KLHL18: variants seen among roughly 807,000 people sequenced by gnomAD.
The protein encoded by KLHL18 is kelch-like protein 18.
A neutral mutation model predicts 58.5 loss-of-function variants in KLHL18; 38 were observed. The ratio of observed to expected loss-of-function variants is 0.65; its 90% CI spans 0.50 to 0.85. The LOEUF is 0.85. Ranked by LOEUF, KLHL18 falls within the 40% of genes least tolerant of loss-of-function variation. The pLI is 0.00. For synonymous variants in KLHL18, 303 were observed against 301.9 expected (o/e 1.00, Z -0.04); for missense variants, 624 against 778.4 (o/e 0.80, Z 2.36).
chr3:47,285,829 A>C (rs1702662819), intron 1 of KLHL18, among the ~76,000 whole-genome samples: 1 of 151,906 alleles, frequency 6.6e-6, no homozygotes, highest in African/African-American at 2.4e-5. Flanking sequence ...GGTGGATTGC[A>C]TTGAACTCAG....
intron 8 of KLHL18, 143 bp downstream of exon 8, chr3:47,340,819 A>G (rs1704094456): frequency 1.3e-6 from 1 of 761,694 alleles, no homozygotes; most frequent in Non-Finnish European, 2.1e-6. Flanking sequence ...TATATACTAG[A>G]TATTTAATAA....
In KLHL18 at chr3:47,344,604, ACTTG is replaced by A. The variant is rs1413596997; in HGVS notation, c.*664_*667del. The A allele has an allele frequency of 6.6e-6, 1 of 152,664 alleles. No individual in the cohort carries two copies. Among genetic ancestry groups the A allele is most frequent in the East Asian group, 1.9e-4 (1 of 5,196 alleles). 9.5% of individuals were successfully genotyped at this position (152,664 alleles called of 1,614,324 possible). ...AGGAGAACAGAAGGGAAAAAAAGAT[ACTTG>A]AAAGAAACTGAAGGAAATTTAAACA... On this transcript the variant is annotated 3_prime_UTR_variant, in exon 10 of 10. Transcript: ENST00000232766.
At chr3:47,329,157 C>A (rs56126169) in intron 3 of KLHL18, among the ~76,000 whole-genome samples, 144,732 of 151,222 alleles carry the variant, frequency 0.96, 69,603 homozygotes, top group East Asian at 1. Flanking sequence ...AAAAAAAAGA[C>A]AAGTATAAGA....
chr3:47,303,580 T>C (rs981755659), intron 1 of KLHL18, among the ~76,000 whole-genome samples: 4 of 152,194 alleles, frequency 2.6e-5, no homozygotes, highest in African/African-American at 9.7e-5. Context: ...ATCCTTTCCG[T>C]TCAAGGCTCA....
At chr3:47,311,259 G>A (rs1201045291) in intron 1 of KLHL18, among the ~76,000 whole-genome samples, 1 of 152,024 alleles carries the variant, frequency 6.6e-6, no homozygotes, top group African/African-American at 2.4e-5. Flanking sequence ...TACTTTTAAA[G>A]TAACATGTAG....
At chr3:47,297,020 T>C (rs1480303184) in intron 1 of KLHL18, among the ~76,000 whole-genome samples, 4 of 152,058 alleles carry the variant, frequency 2.6e-5, no homozygotes, top group African/African-American at 9.7e-5. Flanking sequence ...GGGGGGAGGG[T>C]TTAGAAGAAG....
At position 47,334,622 on chromosome 3, in the gene KLHL18, T is replaced by C; in HGVS notation, c.762-61T>C. The C allele has an allele frequency of 1.3e-6, 2 of 1,588,548 alleles. No individual in the cohort carries two copies. The highest frequency in any genetic ancestry group is 8.6e-7 in the Non-Finnish European group (1 of 1,160,550). ...GGCAGTGGAGAGCCAGGCTCAGAGA[T>C]GCAAACGAGGACTAAGTCAGGGGGA... On this transcript the variant is annotated intron_variant, in intron 5 of 9. Coordinates refer to ENST00000232766, the MANE Select transcript of KLHL18 (RefSeq NM_025010.5). This position sits in a 1 kb window ranked among gnomAD's most constrained non-coding sequence, Gnocchi z 4.7.
Position 47,344,156 on chromosome 3 carries a change from G to A in KLHL18, c.*215G>A. On this transcript the variant is annotated 3_prime_UTR_variant, in exon 10 of 10. Coordinates refer to ENST00000232766, the MANE Select transcript of KLHL18 (RefSeq NM_025010.5). Reference sequence around the variant, plus strand: ...TCAAGATGCACAGCATGGAACACAAGCTCCTCTGGATCCTGCAGCTGGTGA... The same window carrying A: ...TCAAGATGCACAGCATGGAACACAAACTCCTCTGGATCCTGCAGCTGGTGA... 2 of 593,432 alleles carry A rather than the reference G, an allele frequency of 3.4e-6. No homozygotes were observed. Among genetic ancestry groups the A allele is most frequent in the South Asian group, 2.2e-5 (1 of 44,548 alleles). The allele number at this position is 593,432 out of a possible 1,614,324, so 36.8% of individuals were successfully genotyped here. A position where few individuals can be genotyped will look rare whatever the true frequency, so the allele number is the denominator to read the frequency against.
At chr3:47,327,833 G>A (rs1452378564) in intron 3 of KLHL18, among the ~76,000 whole-genome samples, 3 of 152,212 alleles carry the variant, frequency 2.0e-5, no homozygotes, top group African/African-American at 7.2e-5. Context: ...ACTGCTAGGG[G>A]ACAATAGTGA....
intron 3 of KLHL18, among the ~76,000 whole-genome samples, chr3:47,329,161 T>C (rs1703793763): frequency 7.7e-6 from 1 of 130,146 alleles, no homozygotes; most frequent in Non-Finnish European, 1.7e-5. Flanking sequence ...AAAAGACAAG[T>C]ATAAGAGTTC....
At chr3:47,290,325 A>T (rs1036652414) in intron 1 of KLHL18, among the ~76,000 whole-genome samples, 1 of 152,250 alleles carries the variant, frequency 6.6e-6, no homozygotes, top group Non-Finnish European at 1.5e-5. Flanking sequence ...TTTTAGACAT[A>T]TGAATTCTTG....
intron 1 of KLHL18, among the ~76,000 whole-genome samples, chr3:47,308,719 C>CTCCT (rs1174976312): frequency 6.6e-6 from 1 of 152,084 alleles, no homozygotes; most frequent in Non-Finnish European, 1.5e-5. Context: ...CCTTATCTCC[C>CTCCT]TCCTTCCTTC....
intron 1 of KLHL18, among the ~76,000 whole-genome samples, chr3:47,305,331 CAA>C (rs1023472663): frequency 6.0e-5 from 6 of 99,398 alleles, no homozygotes; most frequent in East Asian, 3.6e-4. Context: ...TGAATTTTGT[CAA>C]GTTTTTTTTT....
chr3:47,316,851 A>G (rs775020155), intron 1 of KLHL18, among the ~76,000 whole-genome samples: 3 of 150,988 alleles, frequency 2.0e-5, no homozygotes, highest in Admixed American at 6.6e-5. Flanking sequence ...TAGCATGCCT[A>G]TAGTCTCAAC....
At chr3:47,296,528 A>G (rs1702900143) in intron 1 of KLHL18, among the ~76,000 whole-genome samples, 1 of 152,214 alleles carries the variant, frequency 6.6e-6, no homozygotes, top group South Asian at 2.1e-4. Context: ...ATTAATAATT[A>G]TGAGAAAAGG....
At chr3:47,295,993 A>C (rs182429199) in intron 1 of KLHL18, among the ~76,000 whole-genome samples, 20 of 152,112 alleles carry the variant, frequency 1.3e-4, no homozygotes, top group Admixed American at 2.0e-4. Context: ...CTCCAGGTGT[A>C]GTTCATCTCC....
At chr3:47,283,807 T>G (rs1333737639) in intron 1 of KLHL18, among the ~76,000 whole-genome samples, 1 of 152,186 alleles carries the variant, frequency 6.6e-6, no homozygotes, top group Non-Finnish European at 1.5e-5. Flanking sequence ...GGTCTTTTCA[T>G]GAGGAAGAGG....
chr3:47,343,755 C>T lies in KLHL18; in HGVS notation c.1539C>T (p.Arg513=). 6.2e-7 allele frequency: 1 copy of T among 1,614,214 alleles called. No homozygotes were observed. The highest frequency in any genetic ancestry group is 8.5e-7 in the Non-Finnish European group (1 of 1,180,048). Residue 513 remains arginine, a synonymous_variant, in exon 10 of 10, where the codon CGC becomes CGT. Transcript: ENST00000232766. ...QWCLIVPMHT[R]RSRVSLVASC... ...GCCTGATTGTCCCCATGCACACGCGCAGGAGCCGGGTCTCCCTGGTGGCCA... is the reference window on the plus strand; with the variant it reads ...GCCTGATTGTCCCCATGCACACGCGTAGGAGCCGGGTCTCCCTGGTGGCCA...
chr3:47,330,840 C>G (rs538542004), intron 4 of KLHL18, among the ~76,000 whole-genome samples: 1 of 152,220 alleles, frequency 6.6e-6, no homozygotes, highest in Non-Finnish European at 1.5e-5. Flanking sequence ...AAGCAATTCT[C>G]CCGCATCAAC....
Sources: gnomAD v4.1 joint callset for allele counts (sites outside exome capture counted in the v4.1 genomes callset) on GRCh38, gnomAD v4.1.1 for gene constraint, Gnocchi (gnomAD v3.1) non-coding constraint, MANE v1.5 for transcripts, NCBI Gene and HGNC (gene_info 2026-07-23, HGNC 2026-07-21) for gene names.